Variants in MBNL2 observed in about 807,000 individuals in gnomAD.
MBNL2 encodes the protein muscleblind like splicing regulator 2.
Under a neutral mutation model 41.9 loss-of-function variants are expected in MBNL2, and 17 were observed. That is an observed-to-expected ratio of 0.41 (90% CI 0.28 to 0.61). MBNL2 has a LOEUF of 0.61. MBNL2 is among the 20% of genes least tolerant of loss of function. The pLI, the probability that MBNL2 is intolerant of heterozygous loss-of-function variation, is 0.35. For missense variants in MBNL2, 336 were observed against 505.6 expected (o/e 0.66, Z 3.22); for synonymous variants, 195 against 182.9 (o/e 1.07, Z -0.53).
At chr13:97,152,666 A>G in the MBNL2 span, among the ~76,000 whole-genome samples, 34 of 152,224 alleles carry the variant, frequency 2.2e-4, no homozygotes, top group Non-Finnish European at 8.8e-5. Flanking sequence ...CGAATACACT[A>G]TTCTATACCT....
chr13:97,361,954 G>C (rs142251699), intron 7 of MBNL2, among the ~76,000 whole-genome samples: 1 of 151,172 alleles, frequency 6.6e-6, no homozygotes, highest in Non-Finnish European at 1.5e-5. Flanking sequence ...TGTATTTTTC[G>C]TAGAGACAGG....
At chr13:97,154,792 AGGATGGATGGATGGATGGATGGATGGAT>A in the MBNL2 span, among the ~76,000 whole-genome samples, 1 of 146,168 alleles carries the variant, frequency 6.8e-6, no homozygotes, top group South Asian at 2.3e-4. Flanking sequence ...AAATGGTATA[AGGATGGATGGATGGATGGATGGATGGAT>A]GGATGGATGG....
At chr13:97,349,021 A>C (rs1291512365) in intron 5 of MBNL2, among the ~76,000 whole-genome samples, 1 of 152,172 alleles carries the variant, frequency 6.6e-6, no homozygotes, top group African/African-American at 2.4e-5. Flanking sequence ...ATACACCTTG[A>C]GCACTGGCCT....
chr13:97,187,296 A>G, the MBNL2 span, among the ~76,000 whole-genome samples: 1 of 152,162 alleles, frequency 6.6e-6, no homozygotes, highest in Non-Finnish European at 1.5e-5. Flanking sequence ...GAGACATATA[A>G]TAAATACCAT....
the MBNL2 span, among the ~76,000 whole-genome samples, chr13:97,159,923 C>T: frequency 6.6e-6 from 1 of 151,938 alleles, no homozygotes; most frequent in South Asian, 2.1e-4. Context: ...CTCTGTATTT[C>T]CTGAATCTGA....
chr13:97,201,085 A>G, the MBNL2 span, among the ~76,000 whole-genome samples: 7 of 152,172 alleles, frequency 4.6e-5, no homozygotes, highest in South Asian at 2.1e-4. Flanking sequence ...AGAAGAAGAA[A>G]AAAAAACTTT....
chr13:97,171,315 T>A, the MBNL2 span, among the ~76,000 whole-genome samples: 1 of 152,194 alleles, frequency 6.6e-6, no homozygotes, highest in African/African-American at 2.4e-5. Context: ...TCGTTAGGGA[T>A]CTTGCCAAAA....
chr13:97,380,387 G>T lies in MBNL2; in HGVS notation c.1049-10935G>T, dbSNP rs185444412. Among the ~76,000 whole-genome samples, 7 of 152,128 alleles carry T rather than the reference G, an allele frequency of 4.6e-5. No homozygotes were observed. In the East Asian group the frequency reaches 1.2e-3, roughly 25 times the overall value. ...TGGGCATCTGTAATCCCAGCTACTC[G>T]GGAGGCTGAGACAGGACAATCGCTT... On this transcript the variant is annotated intron_variant, in intron 8 of 8. Transcript: ENST00000679496.
chr13:97,202,518 A>C, the MBNL2 span, among the ~76,000 whole-genome samples: 7,676 of 152,122 alleles, frequency 0.05, 257 homozygotes, highest in South Asian at 0.14. Context: ...ATTCGTAATC[A>C]CTCAAATTTT....
intron 2 of MBNL2, among the ~76,000 whole-genome samples, chr13:97,319,781 G>A (rs1411483232): frequency 6.6e-6 from 1 of 152,134 alleles, no homozygotes. Context: ...AGACCCAGTA[G>A]CCCTTTATGC....
intron 2 of MBNL2, among the ~76,000 whole-genome samples, chr13:97,297,933 C>T (rs1023079945): frequency 1.4e-5 from 2 of 141,848 alleles, no homozygotes; most frequent in African/African-American, 2.4e-5. Flanking sequence ...TCAATAAACA[C>T]ATAAGCAAGC....
the MBNL2 span, among the ~76,000 whole-genome samples, chr13:97,146,174 T>TTA: frequency 6.8e-6 from 1 of 146,524 alleles, no homozygotes; most frequent in African/African-American, 2.6e-5. Flanking sequence ...TTTTTTTTTT[T>TTA]AATATTTTAG....
At chr13:97,311,897 G>C (rs777783765) in intron 2 of MBNL2, among the ~76,000 whole-genome samples, 1 of 152,098 alleles carries the variant, frequency 6.6e-6, no homozygotes, top group Non-Finnish European at 1.5e-5. Flanking sequence ...TGTATAACCT[G>C]CCCCACATTC....
At chr13:97,338,083 C>A (rs938577356) in intron 3 of MBNL2, among the ~76,000 whole-genome samples, 1 of 152,220 alleles carries the variant, frequency 6.6e-6, no homozygotes, top group Non-Finnish European at 1.5e-5. Context: ...TAAATAGCAT[C>A]CTGTCACTCC....
intron 3 of MBNL2, among the ~76,000 whole-genome samples, chr13:97,341,764 T>C (rs951769098): frequency 2.0e-5 from 3 of 152,210 alleles, no homozygotes; most frequent in African/African-American, 7.2e-5. Context: ...TGACTTTTCA[T>C]AAGAGATATT....
the MBNL2 span, among the ~76,000 whole-genome samples, chr13:97,142,639 G>A: frequency 2.0e-5 from 3 of 152,224 alleles, no homozygotes; most frequent in Admixed American, 2.0e-4. Flanking sequence ...CTCCACGGCT[G>A]CTTTGCTCTG....
rs1240449435 is a variant in MBNL2 at position 97,234,107 on chromosome 13, T to C, written c.-605+11576T>C. On this transcript the variant is annotated intron_variant, in intron 1 of 8. Transcript: ENST00000679496. Reference sequence around the variant, plus strand: ...TTTCCAGCTATTGTGTATCTTTCTTTATTGACCGGACAATCATGACCCTAT... The same window carrying C: ...TTTCCAGCTATTGTGTATCTTTCTTCATTGACCGGACAATCATGACCCTAT... Among the ~76,000 whole-genome samples the C allele has an allele frequency of 2.0e-5, 3 of 152,224 alleles. No homozygotes were observed. The East Asian group carries it at 5.8e-4, about 29-fold the overall frequency.
At chr13:97,313,592 G>A (rs935795849) in intron 2 of MBNL2, among the ~76,000 whole-genome samples, 3 of 152,218 alleles carry the variant, frequency 2.0e-5, no homozygotes, top group Non-Finnish European at 4.4e-5. Context: ...TGCCCTTCTT[G>A]GAGGAGCATT....
At chr13:97,287,988 G>T (rs1404893340) in intron 2 of MBNL2, among the ~76,000 whole-genome samples, 35 of 140,522 alleles carry the variant, frequency 2.5e-4, no homozygotes, top group African/African-American at 8.2e-4. Context: ...TGGCCAGGTT[G>T]GTCTCGAACT....
Sources: gnomAD v4.1 joint callset for allele counts (sites outside exome capture counted in the v4.1 genomes callset) on GRCh38, gnomAD v4.1.1 for gene constraint, MANE v1.5 for transcripts, NCBI Gene and HGNC (gene_info 2026-07-23, HGNC 2026-07-21) for gene names.